Variants in ADAMTS4 observed in about 807,000 individuals in gnomAD.
ADAMTS4 encodes the protein ADAM metallopeptidase with thrombospondin type 1 motif 4.
ADAMTS4 carries 38 observed loss-of-function variants against 66.7 expected under a neutral mutation model. The ratio of observed to expected loss-of-function variants is 0.57; its 90% CI spans 0.44 to 0.75. The LOEUF (loss-of-function observed/expected upper bound fraction) is 0.75, where lower values mean the gene tolerates loss of function less well. ADAMTS4 is among the 30% of genes least tolerant of loss of function. ADAMTS4 has a pLI of 0.00. For missense variants in ADAMTS4, 1,014 were observed against 1,116.7 expected (o/e 0.91, Z 1.31); for synonymous variants, 418 against 461.5 (o/e 0.91, Z 1.21).
chr1:161,196,956 A>T (rs1382859968), intron 1 of ADAMTS4, 76 bp from the exon 2 acceptor site: 1 of 1,329,476 alleles, frequency 7.5e-7, no homozygotes, highest in African/African-American at 1.5e-5. Context: ...CCAATCCCTC[A>T]CTTCCTGGGT....
In ADAMTS4 at chr1:161,194,638, C is replaced by T. The variant is rs2102014064; in HGVS notation, c.1262-417G>A. ...TCCTGGTCTCAAGCAATCCTCCCACCTTAGCCTCCCAAAGCATTGGGATTA... is the reference window on the plus strand; with the variant it reads ...TCCTGGTCTCAAGCAATCCTCCCACTTTAGCCTCCCAAAGCATTGGGATTA... On this transcript the variant is annotated intron_variant, in intron 4 of 8. Transcript: ENST00000367996. The surrounding 1 kb of genome is among the most constrained non-coding windows in gnomAD (Gnocchi z 4.1). 6.6e-6 allele frequency among the ~76,000 whole-genome samples: 1 copy of T among 152,326 alleles called. No individual in the cohort carries two copies. The highest frequency in any genetic ancestry group is 6.5e-5 in the Admixed American group (1 of 15,300).
In ADAMTS4 at chr1:161,186,243, C is replaced by A. The variant is rs11585858; in HGVS notation, c.*4895G>T. The A allele has an allele frequency of 0.19, 28,458 of 152,210 alleles. 3,260 individuals are homozygous for A. Among genetic ancestry groups the A allele is most frequent in the East Asian group, 0.33 (1,713 of 5,146 alleles). 9.4% of individuals were successfully genotyped at this position (152,210 alleles called of 1,614,324 possible). On this transcript the variant is annotated 3_prime_UTR_variant, in exon 9 of 9. Coordinates refer to ENST00000367996, the MANE Select transcript of ADAMTS4 (RefSeq NM_005099.6). ...TCTTACAGGGAGATATGTGCCCCCC[C>A]ACAATCCCATCCCTAGCAAGAACTT...
rs1343794855 is a variant in ADAMTS4 at position 161,198,444 on chromosome 1, C to T, written c.184G>A (p.Val62Met). Residue 62 changes from valine to methionine, a missense_variant, in exon 1 of 9, where the codon GTG (valine) becomes ATG (methionine). Val to Met is a conservative substitution (Grantham distance 21). Coordinates refer to ENST00000367996, the MANE Select transcript of ADAMTS4 (RefSeq NM_005099.6). This position sits in a 1 kb window ranked among gnomAD's most constrained non-coding sequence, Gnocchi z 4.7. The part of the protein sequence containing the change: ...ASPLPREEEI[V>M]FPEKLNGSVL... ...CTGCCGTTGAGCTTCTCTGGAAACA[C>T]GATCTCCTCCTCCCGGGGGAGGGGG... 5.7e-6 allele frequency: 9 copies of T among 1,582,086 alleles called. No individual in the cohort carries two copies. Among genetic ancestry groups the T allele is most frequent in the Middle Eastern group, 1.7e-4 (1 of 6,026 alleles).
In ADAMTS4 at chr1:161,195,568, G is replaced by A. The variant is rs749637098; in HGVS notation, c.1158C>T (p.Thr386=). 2.5e-6 allele frequency: 4 copies of A among 1,614,014 alleles called. No individual in the cohort carries two copies. Among genetic ancestry groups the A allele is most frequent in the Non-Finnish European group, 3.4e-6 (4 of 1,179,958 alleles). ...PCISLNGPLS[T]SRHVMAPVMA... ...TCACAGGGGCCATGACATGGCGAGA[G>A]GTGCTCAAAGGCCCATTCAAACTGA... Residue 386 remains threonine (T), a synonymous_variant, in exon 4 of 9, where the codon ACC becomes ACT. Coordinates refer to ENST00000367996, the MANE Select transcript of ADAMTS4 (RefSeq NM_005099.6).
chr1:161,188,978 C>A lies in ADAMTS4; in HGVS notation c.*2160G>T, dbSNP rs919424146. 6.7e-6 allele frequency: 1 copy of A among 148,218 alleles called. No individual in the cohort carries two copies. The highest frequency in any genetic ancestry group is 1.5e-5 in the Non-Finnish European group (1 of 67,258). The allele number at this position is 148,218 out of a possible 1,614,324, so 9.2% of individuals were successfully genotyped here. A position where few individuals can be genotyped will look rare whatever the true frequency, so the allele number is the denominator to read the frequency against. On this transcript the variant is annotated 3_prime_UTR_variant, in exon 9 of 9. Coordinates refer to ENST00000367996, the MANE Select transcript of ADAMTS4 (RefSeq NM_005099.6). ...ATGGTCGGTCTCAATCTCCTGACCT[C>A]GTGATCCGCCCATTTCGGCCTCCCA...
Position 161,191,024 on chromosome 1 carries a change from C to A in ADAMTS4, c.*114G>T. Reference sequence around the variant, plus strand: ...GGGCAGAGAGGAGGGGCAGGTCTCACGCCCACAGCCCCTCCCCACTGAGTC... The same window carrying A: ...GGGCAGAGAGGAGGGGCAGGTCTCAAGCCCACAGCCCCTCCCCACTGAGTC... On this transcript the variant is annotated 3_prime_UTR_variant, in exon 9 of 9. Transcript: ENST00000367996. 8.0e-7 allele frequency: 1 copy of A among 1,248,826 alleles called. No homozygotes were observed. Among genetic ancestry groups the A allele is most frequent in the Non-Finnish European group, 1.1e-6 (1 of 918,366 alleles). The allele number at this position is 1,248,826 out of a possible 1,614,324, so 77.4% of individuals were successfully genotyped here. A position where few individuals can be genotyped will look rare whatever the true frequency, so the allele number is the denominator to read the frequency against.
intron 8 of ADAMTS4, among the ~76,000 whole-genome samples, 155 bp from the exon 9 acceptor site, chr1:161,191,719 T>A (rs1221437726): frequency 6.6e-6 from 1 of 152,184 alleles, no homozygotes; most frequent in Non-Finnish European, 1.5e-5. Flanking sequence ...TACATGCACA[T>A]GTGCCCTACT....
intron 7 of ADAMTS4, among the ~76,000 whole-genome samples, chr1:161,192,478 A>C (rs1335889459): frequency 1.3e-5 from 2 of 152,134 alleles, no homozygotes; most frequent in Non-Finnish European, 2.9e-5. Flanking sequence ...ATCAGGCAGC[A>C]TGCTAAGTGT....
chr1:161,197,075 G>A (rs1664873205), intron 1 of ADAMTS4, 195 bp from the exon 2 acceptor site: 2 of 578,072 alleles, frequency 3.5e-6, no homozygotes, highest in Non-Finnish European at 6.1e-6. Context: ...GGCTTTTGTG[G>A]TAACTCTGAG....
At position 161,190,937 on chromosome 1, in the gene ADAMTS4, A is replaced by G. The variant is rs1054735764; in HGVS notation, c.*201T>C. ...GGAGGGCTGTCTGTCAGCCCCTTCC[A>G]TCCACTAACCCATCACTGCCTCCCA... On this transcript the variant is annotated 3_prime_UTR_variant, in exon 9 of 9. Coordinates refer to ENST00000367996, the MANE Select transcript of ADAMTS4 (RefSeq NM_005099.6). The G allele has an allele frequency of 1.1e-5, 6 of 554,156 alleles. No individual in the cohort carries two copies. The highest frequency in any genetic ancestry group is 7.5e-5 in the African/African-American group (4 of 53,516). 34.3% of individuals were successfully genotyped at this position (554,156 alleles called of 1,614,324 possible).
rs1172313166 is a variant in ADAMTS4 at position 161,191,140 on chromosome 1, A to G, written c.2512T>C (p.Ter838GlnextTer16). The G allele has an allele frequency of 1.3e-6, 2 of 1,545,940 alleles. No homozygotes were observed. The highest frequency in any genetic ancestry group is 1.8e-6 in the Non-Finnish European group (2 of 1,142,520). The change falls in exon 9 of 9, where the codon TAA (stop) becomes CAA (glutamine). Residue 838 changes from the stop codon to glutamine, a stop_lost. Coordinates refer to ENST00000367996, the MANE Select transcript of ADAMTS4 (RefSeq NM_005099.6). Reference sequence around the variant, plus strand: ...AAAGGGCAGCCGGGATAGTGAGGTTATTTCCTGCCCGCCCAGGGGCGCCGC... The same window carrying G: ...AAAGGGCAGCCGGGATAGTGAGGTTGTTTCCTGCCCGCCCAGGGGCGCCGC... ...LRRRPWAGRK[*>Q]
Position 161,195,536 on chromosome 1 carries a change from T to G in ADAMTS4, c.1190A>C (p.His397Pro). 1 of 1,613,978 alleles carries G rather than the reference T, an allele frequency of 6.2e-7. No homozygotes were observed. ...GGACCAGGGCTCCTCAGGATCCACATGAGCCATCACAGGGGCCATGACATG... is the reference window on the plus strand; with the variant it reads ...GGACCAGGGCTCCTCAGGATCCACAGGAGCCATCACAGGGGCCATGACATG... Reference protein sequence around the residue: ...SRHVMAPVMAHVDPEEPWSPC... With the variant: ...SRHVMAPVMAPVDPEEPWSPC... Residue 397 changes from histidine (H) to proline (P), a missense_variant, in exon 4 of 9, where the codon CAT becomes CCT. Physicochemically the swap from His to Pro is moderately conservative, Grantham distance 77. Coordinates refer to ENST00000367996, the MANE Select transcript of ADAMTS4 (RefSeq NM_005099.6).
chr1:161,197,042 C>T (rs1159882378), intron 1 of ADAMTS4, 162 bp from the exon 2 acceptor site: 2 of 644,040 alleles, frequency 3.1e-6, no homozygotes, highest in Middle Eastern at 4.3e-4. Context: ...TGGTTGGGCC[C>T]TTCCCCCAAC....
chr1:161,195,934 G>GACACACACAC (rs57224018), intron 3 of ADAMTS4: 5 of 440,264 alleles, frequency 1.1e-5, no homozygotes, highest in African/African-American at 8.4e-5. Context: ...CACACACACA[G>GACACACACAC]ACACACACAC....
At chr1:161,192,551 G>C (rs541693006) in intron 7 of ADAMTS4, among the ~76,000 whole-genome samples, 1 of 152,012 alleles carries the variant, frequency 6.6e-6, no homozygotes, top group Non-Finnish European at 1.5e-5. Flanking sequence ...GGAACGTTGA[G>C]GTTTAGAAAA....
At chr1:161,197,737 G>A (rs1664912135) in intron 1 of ADAMTS4, among the ~76,000 whole-genome samples, 1 of 152,066 alleles carries the variant, frequency 6.6e-6, no homozygotes, top group Non-Finnish European at 1.5e-5. Context: ...GGTGGGGTGG[G>A]GAGAGGGAGC....
Position 161,190,924 on chromosome 1 carries a change from G to A in ADAMTS4, c.*214C>T. On this transcript the variant is annotated 3_prime_UTR_variant, in exon 9 of 9. Transcript: ENST00000367996. Reference sequence around the variant, plus strand: ...GGGCAGTTTAGATGGAGGGCTGTCTGTCAGCCCCTTCCATCCACTAACCCA... The same window carrying A: ...GGGCAGTTTAGATGGAGGGCTGTCTATCAGCCCCTTCCATCCACTAACCCA... 1 of 524,658 alleles carries A rather than the reference G, an allele frequency of 1.9e-6. No individual in the cohort carries two copies. Among genetic ancestry groups the A allele is most frequent in the South Asian group, 3.7e-5 (1 of 26,678 alleles). The allele number at this position is 524,658 out of a possible 1,614,324, so 32.5% of individuals were successfully genotyped here.
rs1266327134 is a variant in ADAMTS4 at position 161,185,563 on chromosome 1, A to G, written c.*5575T>C. On this transcript the variant is annotated 3_prime_UTR_variant, in exon 9 of 9. Coordinates refer to ENST00000367996, the MANE Select transcript of ADAMTS4 (RefSeq NM_005099.6). ...CCCAGCAACAGTCAATGGGGAAGGTACTCAATTGGTTCAGAAACATCCTCT... is the reference window on the plus strand; with the variant it reads ...CCCAGCAACAGTCAATGGGGAAGGTGCTCAATTGGTTCAGAAACATCCTCT... 6.6e-6 allele frequency: 1 copy of G among 152,032 alleles called. No homozygotes were observed. Among genetic ancestry groups the G allele is most frequent in the Non-Finnish European group, 1.5e-5 (1 of 68,032 alleles). The allele number at this position is 152,032 out of a possible 1,614,324, so 9.4% of individuals were successfully genotyped here. A position where few individuals can be genotyped will look rare whatever the true frequency, so the allele number is the denominator to read the frequency against.
At position 161,198,712 on chromosome 1, in the gene ADAMTS4, T is replaced by G; in HGVS notation, c.-85A>C. ...CCTAGCTTTGGAAAGCTCCTCTCTG[T>G]AGCCTGGGGGCTTGGACTCCTGCCA... On this transcript the variant is annotated 5_prime_UTR_variant, in exon 1 of 9. Coordinates refer to ENST00000367996, the MANE Select transcript of ADAMTS4 (RefSeq NM_005099.6). The surrounding 1 kb of genome is among the most constrained non-coding windows in gnomAD (Gnocchi z 4.7). 7.7e-7 allele frequency: 1 copy of G among 1,294,734 alleles called. No individual in the cohort carries two copies. The highest frequency in any genetic ancestry group is 1.0e-6 in the Non-Finnish European group (1 of 969,164). The allele number at this position is 1,294,734 out of a possible 1,614,324, so 80.2% of individuals were successfully genotyped here.
Sources: allele counts gnomAD v4.1 joint callset (sites outside exome capture counted in the v4.1 genomes callset), GRCh38; gene constraint gnomAD v4.1.1; non-coding constraint Gnocchi (gnomAD v3.1); transcripts MANE v1.5; gene names NCBI Gene and HGNC (gene_info 2026-07-23, HGNC 2026-07-21).